SORCS3: variants seen among roughly 807,000 people sequenced by gnomAD.
SORCS3 encodes sortilin related VPS10 domain containing receptor 3.
SORCS3 carries 57 observed loss-of-function variants against 146.3 expected under a neutral mutation model. The ratio of observed to expected loss-of-function variants is 0.39; its 90% CI spans 0.31 to 0.49. SORCS3 has a LOEUF of 0.49. SORCS3 is among the 20% of genes least tolerant of loss of function. The pLI is 0.92. For synonymous variants in SORCS3, 653 were observed against 618.5 expected, an observed-to-expected ratio of 1.06 and a Z score of -0.83; for missense variants, 1,341 against 1,575.5, an observed-to-expected ratio of 0.85 and a Z score of 2.52.
At chr10:105,129,341 T>C (rs1394976688) in intron 7 of SORCS3, among the ~76,000 whole-genome samples, 105 of 131,788 alleles carry the variant, frequency 8.0e-4, no homozygotes, top group Middle Eastern at 3.8e-3. Context: ...CTTTTTTTTT[T>C]TTTTTTTTTT....
intron 3 of SORCS3, among the ~76,000 whole-genome samples, chr10:104,966,934 T>C (rs1250354970): frequency 6.6e-6 from 1 of 151,968 alleles, no homozygotes; most frequent in East Asian, 1.9e-4. Context: ...TTCTCAGGAA[T>C]TTCCTTCAGA....
intron 1 of SORCS3, among the ~76,000 whole-genome samples, chr10:104,655,224 G>A (rs2133242541): frequency 6.8e-6 from 1 of 147,900 alleles, no homozygotes; most frequent in African/African-American, 2.5e-5. Context: ...CTGCACTCCA[G>A]CTTGGGTAAC....
intron 9 of SORCS3, among the ~76,000 whole-genome samples, chr10:105,155,590 G>A (rs2119491312): frequency 6.6e-6 from 1 of 152,320 alleles, no homozygotes; most frequent in South Asian, 2.1e-4. Flanking sequence ...TTTAGGAGAT[G>A]CACCTTTGCA....
At chr10:104,958,957 CCAAT>C (rs1444517851) in intron 3 of SORCS3, among the ~76,000 whole-genome samples, 2 of 152,072 alleles carry the variant, frequency 1.3e-5, no homozygotes, top group Non-Finnish European at 2.9e-5. Context: ...CCTCCATGAT[CCAAT>C]CACCTCCCAC....
At chr10:105,116,534 G>C (rs759308613) in intron 7 of SORCS3, among the ~76,000 whole-genome samples, 1 of 152,100 alleles carries the variant, frequency 6.6e-6, no homozygotes, top group Non-Finnish European at 1.5e-5. Context: ...CCATTATTGG[G>C]TATATGCCCA....
chr10:104,692,903 C>A (rs2016130831), intron 1 of SORCS3, among the ~76,000 whole-genome samples: 1 of 152,206 alleles, frequency 6.6e-6, no homozygotes, highest in Non-Finnish European at 1.5e-5. Flanking sequence ...CTGTTTAAAT[C>A]TGCAGCTGCT....
chr10:104,706,665 A>G (rs562092770), intron 1 of SORCS3, among the ~76,000 whole-genome samples: 1 of 152,322 alleles, frequency 6.6e-6, no homozygotes, highest in African/African-American at 2.4e-5. Context: ...CTCTCCTGGT[A>G]TAGTCCCACT....
At position 104,641,598 on chromosome 10, in the gene SORCS3, C is replaced by T; in HGVS notation, c.271C>T (p.Pro91Ser). Reference sequence around the variant, plus strand: ...GCGCCGGGCCGGACCAGAGCTGCTGCCCCAGCAGGGCGGCGGCAGAGGCGG... The same window carrying T: ...GCGCCGGGCCGGACCAGAGCTGCTGTCCCAGCAGGGCGGCGGCAGAGGCGG... The part of the protein sequence containing the change: ...LGRRAGPELL[P>S]QQGGGRGGEM... Residue 91 changes from proline to serine, a missense_variant, in exon 1 of 27, where the codon CCC becomes TCC. Transcript: ENST00000369701. This position sits in a 1 kb window ranked among gnomAD's most constrained non-coding sequence, Gnocchi z 6.4. 1 of 1,515,370 alleles carries T rather than the reference C, an allele frequency of 6.6e-7. No homozygotes were observed. Among genetic ancestry groups the T allele is most frequent in the Non-Finnish European group, 8.8e-7 (1 of 1,138,968 alleles). The allele number at this position is 1,515,370 out of a possible 1,614,324, so 93.9% of individuals were successfully genotyped here. A position where few individuals can be genotyped will look rare whatever the true frequency, so the allele number is the denominator to read the frequency against.
intron 1 of SORCS3, among the ~76,000 whole-genome samples, chr10:104,777,742 G>C (rs767055225): frequency 3.3e-5 from 5 of 152,190 alleles, no homozygotes; most frequent in Non-Finnish European, 5.9e-5. Context: ...TTTTGTGTGT[G>C]AGTGTGTGTC....
At chr10:105,110,598 G>A (rs1002914998) in intron 7 of SORCS3, among the ~76,000 whole-genome samples, 12 of 152,068 alleles carry the variant, frequency 7.9e-5, no homozygotes, top group African/African-American at 2.9e-4. Context: ...CTGAGGTTCT[G>A]TATGACTCAA....
intron 2 of SORCS3, among the ~76,000 whole-genome samples, chr10:104,905,827 C>G (rs1184215306): frequency 6.6e-6 from 1 of 152,162 alleles, no homozygotes. Flanking sequence ...AGGAGACACT[C>G]TCTTCTCTCC....
rs74155060 is a variant in SORCS3 at position 104,889,700 on chromosome 10, A to G, written c.696-26133A>G. On this transcript the variant is annotated intron_variant, in intron 2 of 26. Transcript: ENST00000369701. ...TATTTCTATGCATGTTATAAACCTCACAATACATTATTATTTTTTATTTAA... is the reference window on the plus strand; with the variant it reads ...TATTTCTATGCATGTTATAAACCTCGCAATACATTATTATTTTTTATTTAA... 3.2e-3 allele frequency among the ~76,000 whole-genome samples: 483 copies of G among 152,222 alleles called. 2 individuals are homozygous for G. Among genetic ancestry groups the G allele is most frequent in the African/African-American group, 0.01 (436 of 41,566 alleles).
At position 105,214,580 on chromosome 10, in the gene SORCS3, G is replaced by A. The variant is rs2056654485; in HGVS notation, c.2514G>A (p.Gly838=). Reference sequence around the variant, plus strand: ...ATGGGCGGCTGGTGGCAGAGCAGGGGCACAATGCAACTTTCATCATCCTCA... The same window carrying A: ...ATGGGCGGCTGGTGGCAGAGCAGGGACACAATGCAACTTTCATCATCCTCA... ...TTDGRLVAEQ[G]HNATFIILME... is the part of the protein sequence containing the mutation. Residue 838 remains glycine, a synonymous_variant, in exon 18 of 27, where the codon GGG becomes GGA. Coordinates refer to ENST00000369701, the MANE Select transcript of SORCS3 (RefSeq NM_014978.3). 6.2e-7 allele frequency: 1 copy of A among 1,602,986 alleles called. No individual in the cohort carries two copies. Among genetic ancestry groups the A allele is most frequent in the East Asian group, 2.2e-5 (1 of 44,604 alleles).
intron 2 of SORCS3, among the ~76,000 whole-genome samples, chr10:104,848,597 C>CA (rs2018234324): frequency 6.6e-6 from 1 of 152,164 alleles, no homozygotes; most frequent in South Asian, 2.1e-4. Flanking sequence ...CCTTCCACCC[C>CA]ATTCGCTAGG....
chr10:104,885,779 C>G (rs182236226), intron 2 of SORCS3, among the ~76,000 whole-genome samples: 2 of 152,110 alleles, frequency 1.3e-5, no homozygotes, highest in Admixed American at 1.3e-4. Context: ...CTCAGCACTA[C>G]GAAGGATTTT....
chr10:105,128,456 A>G (rs1170917509), intron 7 of SORCS3, among the ~76,000 whole-genome samples: 2 of 152,156 alleles, frequency 1.3e-5, no homozygotes, highest in Non-Finnish European at 2.9e-5. Context: ...GCCCCAAAGA[A>G]GCGTCCCTAA....
At chr10:104,799,531 C>A (rs2017599287) in intron 1 of SORCS3, among the ~76,000 whole-genome samples, 1 of 151,962 alleles carries the variant, frequency 6.6e-6, no homozygotes, top group African/African-American at 2.4e-5. Context: ...ACATCACACA[C>A]CAGGGCCTGT....
chr10:105,054,016 G>A (rs970683515), intron 5 of SORCS3, among the ~76,000 whole-genome samples: 31 of 152,078 alleles, frequency 2.0e-4, no homozygotes, highest in African/African-American at 7.5e-4. Flanking sequence ...TAAAGAAGTA[G>A]TCCATTTTAA....
intron 7 of SORCS3, among the ~76,000 whole-genome samples, chr10:105,137,017 T>A (rs1265742659): frequency 6.6e-6 from 1 of 152,148 alleles, no homozygotes; most frequent in Non-Finnish European, 1.5e-5. Flanking sequence ...GCGGGGCTGA[T>A]CACGCTGTCA....
Sources: gnomAD v4.1 joint callset for allele counts (sites outside exome capture counted in the v4.1 genomes callset) on GRCh38, gnomAD v4.1.1 for gene constraint, Gnocchi (gnomAD v3.1) non-coding constraint, MANE v1.5 for transcripts, NCBI Gene and HGNC (gene_info 2026-07-23, HGNC 2026-07-21) for gene names.